The following CEMIP2 variants were observed in gnomAD, a reference collection of about 807,000 sequenced individuals.
CEMIP2 encodes cell surface hyaluronidase CEMIP2.
A neutral mutation model predicts 146.9 loss-of-function variants in CEMIP2; 79 were observed. The observed-to-expected ratio is 0.54, with a 90% CI of 0.45 to 0.65. The LOEUF (loss-of-function observed/expected upper bound fraction) is 0.65. CEMIP2 is among the 30% of genes least tolerant of loss of function. CEMIP2 has a pLI of 0.00. For missense variants in CEMIP2, 1,596 were observed against 1,696.2 expected, an observed-to-expected ratio of 0.94 and a Z score of 1.04; for synonymous variants, 601 against 606.3, an observed-to-expected ratio of 0.99 and a Z score of 0.13.
intron 3 of CEMIP2, 96 bp downstream of exon 3, chr9:71,746,105 T>G: frequency 7.1e-7 from 1 of 1,402,360 alleles, no homozygotes; most frequent in Admixed American, 2.2e-5. Context: ...CTAAAGCCTA[T>G]TCTGCCTAAA....
rs1823497873 is a variant in CEMIP2 at position 71,728,291 on chromosome 9, A to ATATATATATATATATG, written c.2049+1553_2049+1554insCATATATATATATATA. ...TATATATATATATATGTATATATAT[A>ATATATATATATATATG]TATATATATACATATATATATATAT... On this transcript the variant is annotated intron_variant, in intron 10 of 23. Coordinates refer to ENST00000377044, the MANE Select transcript of CEMIP2 (RefSeq NM_013390.3). 2.3e-4 allele frequency among the ~76,000 whole-genome samples: 4 copies of ATATATATATATATATG among 17,382 alleles called. 2 individuals carry two copies. Among genetic ancestry groups the ATATATATATATATATG allele is most frequent in the Non-Finnish European group, 3.8e-4 (2 of 5,308 alleles). The allele number at this position is 17,382 out of a possible 152,430, so 11.4% of individuals were successfully genotyped here. A position where few individuals can be genotyped will look rare whatever the true frequency, so the allele number is the denominator to read the frequency against.
At chr9:71,690,273 G>A (rs1822190693) in intron 21 of CEMIP2, 27 bp from the exon 22 acceptor site, 1 of 1,605,964 alleles carries the variant, frequency 6.2e-7, no homozygotes, top group African/African-American at 1.3e-5. Context: ...ATCTTCTGCT[G>A]TCATCATCAT....
At chr9:71,756,502 TCTCTCACA>T (rs761866403) in intron 1 of CEMIP2, among the ~76,000 whole-genome samples, 2,292 of 104,482 alleles carry the variant, frequency 0.022, 37 homozygotes, top group South Asian at 0.15. Flanking sequence ...TCTCTCTCTC[TCTCTCACA>T]CACACACACA....
chr9:71,759,373 T>C (rs1341668049), intron 1 of CEMIP2, among the ~76,000 whole-genome samples: 1 of 152,060 alleles, frequency 6.6e-6, no homozygotes, highest in South Asian at 2.1e-4. Context: ...TATAAGAAAC[T>C]GTGGGGGTCA....
At chr9:71,697,005 G>A (rs1379565618) in intron 20 of CEMIP2, among the ~76,000 whole-genome samples, 1 of 152,150 alleles carries the variant, frequency 6.6e-6, no homozygotes, top group Non-Finnish European at 1.5e-5. Context: ...TAGGCAGTAT[G>A]CATATTTGTG....
rs147638859 is a variant in CEMIP2, at chr9:71,697,359, T to C, written c.3597+626A>G. On this transcript the variant is annotated intron_variant, in intron 20 of 23. Transcript: ENST00000377044. ...CCCAATTTTAGTTCATATTTTGGGTTCACTTTCATTGCAGTGCTTTCTTGA... is the reference window on the plus strand; with the variant it reads ...CCCAATTTTAGTTCATATTTTGGGTCCACTTTCATTGCAGTGCTTTCTTGA... Among the ~76,000 whole-genome samples, 792 of 152,362 alleles carry C rather than the reference T, an allele frequency of 5.2e-3. 3 individuals are homozygous for C. Among genetic ancestry groups the C allele is most frequent in the African/African-American group, 7.8e-3 (324 of 41,588 alleles).
chr9:71,748,762 A>G (rs1824161658), intron 2 of CEMIP2, among the ~76,000 whole-genome samples: 1 of 152,208 alleles, frequency 6.6e-6, no homozygotes, highest in African/African-American at 2.4e-5. Flanking sequence ...ATTAATGTGC[A>G]TGTCTCTCTC....
intron 11 of CEMIP2, 117 bp downstream of exon 11, chr9:71,725,464 T>C: frequency 1.8e-6 from 2 of 1,138,182 alleles, no homozygotes; most frequent in African/African-American, 3.2e-5. Flanking sequence ...TCATTATAAG[T>C]TAACTAGTCT....
At position 71,728,237 on chromosome 9, in the gene CEMIP2, A is replaced by ACG. The variant is rs1474597781; in HGVS notation, c.2049+1607_2049+1608insCG. Among the ~76,000 whole-genome samples the ACG allele has an allele frequency of 3.6e-4, 13 of 35,954 alleles. 3 individuals carry two copies. In the South Asian group the frequency reaches 6.4e-3, roughly 18 times the overall value. 23.6% of individuals were successfully genotyped at this position (35,954 alleles called of 152,430 possible). A position where few individuals can be genotyped will look rare whatever the true frequency, so the allele number is the denominator to read the frequency against. ...TCTCTCTCTCTCTCTCTCTCTATAT[A>ACG]TATATATATATATGTATATACACGT... is the stretch of plus-strand genomic sequence containing the variant. On this transcript the variant is annotated intron_variant, in intron 10 of 23. Transcript: ENST00000377044.
chr9:71,711,630 T>C (rs1012487131), intron 16 of CEMIP2, among the ~76,000 whole-genome samples: 1 of 151,968 alleles, frequency 6.6e-6, no homozygotes, highest in Non-Finnish European at 1.5e-5. Context: ...AATAACCTAA[T>C]TTGTATCACA....
chr9:71,710,222 C>CA, intron 16 of CEMIP2, among the ~76,000 whole-genome samples: 1 of 152,298 alleles, frequency 6.6e-6, no homozygotes. Flanking sequence ...AAATGGGCTG[C>CA]AGGTGACATG....
intron 7 of CEMIP2, 34 bp downstream of exon 7, chr9:71,732,317 G>T: frequency 6.5e-7 from 1 of 1,531,148 alleles, no homozygotes; most frequent in Non-Finnish European, 8.8e-7. Flanking sequence ...TAGCAACCAG[G>T]ATTTCAAAGA....
rs1417661321 is a variant in CEMIP2, at chr9:71,728,285, A to ACGTG, written c.2049+1559_2049+1560insCACG. 9.2e-4 allele frequency among the ~76,000 whole-genome samples: 25 copies of ACGTG among 27,310 alleles called. 5 individuals carry two copies. Among genetic ancestry groups the ACGTG allele is most frequent in the Non-Finnish European group, 1.4e-3 (20 of 13,850 alleles). The allele number at this position is 27,310 out of a possible 152,430, so 17.9% of individuals were successfully genotyped here. ...CGTATATATATATATATATATGTAT[A>ACGTG]TATATATATATATATACATATATAT... is the stretch of plus-strand genomic sequence containing the variant. On this transcript the variant is annotated intron_variant, in intron 10 of 23. Transcript: ENST00000377044.
chr9:71,725,708 T>C lies in CEMIP2; in HGVS notation c.2051A>G (p.Asp684Gly), dbSNP rs756502885. ...LINNAAAGSQ[D>G]AGIWYLFHKE... ...GTGGAATAAATACCATATTCCAGCA[T>C]CCTACAAATGAAAGGACAAGCCCAT... The change falls in exon 11 of 24, where the codon GAT becomes GGT. Residue 684 changes from aspartate to glycine, a missense_variant and splice_region_variant. By Grantham distance (94) the Asp-to-Gly change is moderately conservative. Coordinates refer to ENST00000377044, the MANE Select transcript of CEMIP2 (RefSeq NM_013390.3). 1 of 1,612,408 alleles carries C rather than the reference T, an allele frequency of 6.2e-7. No individual in the cohort carries two copies. The highest frequency in any genetic ancestry group is 1.1e-5 in the South Asian group (1 of 90,816).
At chr9:71,740,740 C>T (rs62549279) in intron 4 of CEMIP2, among the ~76,000 whole-genome samples, 10,763 of 152,144 alleles carry the variant, frequency 0.071, 542 homozygotes, top group South Asian at 0.19. Flanking sequence ...TTGTAGTTTG[C>T]AATAATTTAT....
chr9:71,739,980 G>C, intron 5 of CEMIP2, 83 bp downstream of exon 5: 1 of 1,306,390 alleles, frequency 7.7e-7, no homozygotes, highest in Non-Finnish European at 1.0e-6. Context: ...ACTGTCATTT[G>C]AACATAATAC....
chr9:71,755,715 G>A (rs1445016613), intron 1 of CEMIP2, among the ~76,000 whole-genome samples: 1 of 151,854 alleles, frequency 6.6e-6, no homozygotes, highest in Non-Finnish European at 1.5e-5. Flanking sequence ...CCAGCACTTT[G>A]AGAGGCTGAG....
intron 4 of CEMIP2, among the ~76,000 whole-genome samples, chr9:71,742,815 AG>A (rs1413872037): frequency 6.6e-6 from 1 of 152,266 alleles, no homozygotes; most frequent in East Asian, 1.9e-4. Context: ...AGATGGATCA[AG>A]GAACATTTAA....
At chr9:71,755,992 C>G (rs1033143967) in intron 1 of CEMIP2, among the ~76,000 whole-genome samples, 3 of 126,854 alleles carry the variant, frequency 2.4e-5, no homozygotes, top group African/African-American at 9.8e-5. Flanking sequence ...AAAAAAAAAC[C>G]TCTTACAGGA....
Sources: gnomAD v4.1 joint callset for allele counts (sites outside exome capture counted in the v4.1 genomes callset) on GRCh38, gnomAD v4.1.1 for gene constraint, MANE v1.5 for transcripts, NCBI Gene and HGNC (gene_info 2026-07-23, HGNC 2026-07-21) for gene names.